The following ADCY2 variants were observed in gnomAD, a reference collection of about 807,000 sequenced individuals.
ADCY2 encodes the protein adenylate cyclase 2.
A neutral mutation model predicts 125.2 loss-of-function variants in ADCY2; 31 were observed. The ratio of observed to expected loss-of-function variants is 0.25; its 90% CI spans 0.19 to 0.33. The LOEUF (loss-of-function observed/expected upper bound fraction) is 0.33, where lower values mean the gene tolerates loss of function less well. Among genes scored for constraint, ADCY2 ranks in the 10% least tolerant of loss-of-function variants. ADCY2 has a pLI of 1.00. For synonymous variants in ADCY2, 512 were observed against 548.4 expected, an observed-to-expected ratio of 0.93 and a Z score of 0.93; for missense variants, 904 against 1,418.2, an observed-to-expected ratio of 0.64 and a Z score of 5.82.
intron 10 of ADCY2, among the ~76,000 whole-genome samples, chr5:7,712,030 C>T (rs925291341): frequency 6.6e-6 from 1 of 152,124 alleles, no homozygotes. Context: ...ACTCTTGATT[C>T]AACATTGATA....
chr5:7,558,601 C>A (rs901289092), intron 3 of ADCY2, among the ~76,000 whole-genome samples: 8 of 152,154 alleles, frequency 5.3e-5, no homozygotes, highest in African/African-American at 1.9e-4. Flanking sequence ...CTGTTGGATG[C>A]GTAGTTTGCA....
chr5:7,517,463 A>T (rs1346450264), intron 2 of ADCY2, among the ~76,000 whole-genome samples: 1 of 152,206 alleles, frequency 6.6e-6, no homozygotes, highest in Non-Finnish European at 1.5e-5. Context: ...GCTTAAAAAA[A>T]ATGAGAACTC....
intron 3 of ADCY2, among the ~76,000 whole-genome samples, chr5:7,590,812 T>C (rs994963938): frequency 6.6e-6 from 1 of 152,184 alleles, no homozygotes; most frequent in Non-Finnish European, 1.5e-5. Flanking sequence ...AGTATGTTTT[T>C]GCTTCTAGGC....
At chr5:7,627,297 GA>G (rs1367223136) in intron 4 of ADCY2, among the ~76,000 whole-genome samples, 1 of 152,190 alleles carries the variant, frequency 6.6e-6, no homozygotes, top group Non-Finnish European at 1.5e-5. Flanking sequence ...AAGCATTACA[GA>G]AAACAAACAA....
At chr5:7,602,499 A>G (rs1228185690) in intron 3 of ADCY2, among the ~76,000 whole-genome samples, 1 of 151,898 alleles carries the variant, frequency 6.6e-6, no homozygotes, top group Non-Finnish European at 1.5e-5. Context: ...ACCTTTCAAC[A>G]TTTTGCCCAA....
chr5:7,761,073 A>G (rs1248723804), intron 16 of ADCY2, among the ~76,000 whole-genome samples: 1 of 140,792 alleles, frequency 7.1e-6, no homozygotes, highest in East Asian at 2.1e-4. Flanking sequence ...AAATGACAAG[A>G]TTTTTCTCTT....
At chr5:7,413,674 C>T (rs1293648738) in intron 1 of ADCY2, among the ~76,000 whole-genome samples, 1 of 150,138 alleles carries the variant, frequency 6.7e-6, no homozygotes, top group Admixed American at 6.6e-5. Flanking sequence ...AAAGACCTTA[C>T]ACTGTATTCT....
At chr5:7,818,909 G>A (rs1257707575) in intron 23 of ADCY2, among the ~76,000 whole-genome samples, 4 of 152,174 alleles carry the variant, frequency 2.6e-5, no homozygotes, top group Non-Finnish European at 5.9e-5. Context: ...TAATAGGATA[G>A]ATGTATATAT....
chr5:7,492,021 C>T lies in ADCY2; in HGVS notation c.409-28717C>T, dbSNP rs145858518. On this transcript the variant is annotated intron_variant, in intron 2 of 24. Coordinates refer to ENST00000338316, the MANE Select transcript of ADCY2 (RefSeq NM_020546.3). ...CTGCCCTGAAAGAGCACAGGTGTCA[C>T]GGGGTGGAGGGCACATGGGCCAGGG... 2.4e-3 allele frequency among the ~76,000 whole-genome samples: 369 copies of T among 152,286 alleles called. 3 individuals are homozygous for T. Among genetic ancestry groups the T allele is most frequent in the African/African-American group, 5.6e-3 (233 of 41,560 alleles).
At chr5:7,538,810 A>G (rs543367959) in intron 3 of ADCY2, among the ~76,000 whole-genome samples, 16 of 151,766 alleles carry the variant, frequency 1.1e-4, no homozygotes, top group African/African-American at 3.9e-4. Flanking sequence ...CTGGTTTTCA[A>G]CACAAATTTT....
chr5:7,562,097 T>G (rs902898633), intron 3 of ADCY2, among the ~76,000 whole-genome samples: 1 of 152,270 alleles, frequency 6.6e-6, no homozygotes, highest in East Asian at 1.9e-4. Context: ...TCTAAAATTA[T>G]GTTTTTAACT....
chr5:7,439,999 TG>T (rs1398776222), intron 2 of ADCY2, among the ~76,000 whole-genome samples: 2 of 152,100 alleles, frequency 1.3e-5, no homozygotes, highest in Non-Finnish European at 2.9e-5. Flanking sequence ...TGGAATAAGA[TG>T]GGTGAGAAGT....
At chr5:7,401,927 A>G (rs1364924296) in intron 1 of ADCY2, among the ~76,000 whole-genome samples, 1 of 152,208 alleles carries the variant, frequency 6.6e-6, no homozygotes, top group Non-Finnish European at 1.5e-5. Flanking sequence ...CTGCCACTTG[A>G]TATTGACATC....
At chr5:7,481,201 C>T (rs10058442) in intron 2 of ADCY2, among the ~76,000 whole-genome samples, 14,708 of 152,108 alleles carry the variant, frequency 0.097, 1,128 homozygotes, top group African/African-American at 0.19. Flanking sequence ...TGATATCTCA[C>T]TGCAGTTTTG....
intron 3 of ADCY2, among the ~76,000 whole-genome samples, chr5:7,523,846 C>G (rs1027788830): frequency 6.6e-6 from 1 of 152,062 alleles, no homozygotes; most frequent in Non-Finnish European, 1.5e-5. Context: ...AGAGGTTGCC[C>G]GCAAACTATA....
At chr5:7,790,294 A>C (rs1744214234) in intron 20 of ADCY2, among the ~76,000 whole-genome samples, 1 of 152,230 alleles carries the variant, frequency 6.6e-6, no homozygotes, top group African/African-American at 2.4e-5. Flanking sequence ...TATCAGATAC[A>C]CAGTGAGTGT....
intron 3 of ADCY2, among the ~76,000 whole-genome samples, chr5:7,537,370 G>A (rs1734848010): frequency 6.6e-6 from 1 of 152,104 alleles, no homozygotes; most frequent in African/African-American, 2.4e-5. Context: ...TTCAAATTAA[G>A]CATTTCCCAA....
At chr5:7,769,136 G>A (rs191798683) in intron 17 of ADCY2, among the ~76,000 whole-genome samples, 146 of 152,204 alleles carry the variant, frequency 9.6e-4, no homozygotes, top group Non-Finnish European at 1.2e-3. Flanking sequence ...TTATCAAAAA[G>A]CACAAGACAG....
At chr5:7,702,036 A>C (rs2126338696) in intron 7 of ADCY2, among the ~76,000 whole-genome samples, 1 of 152,220 alleles carries the variant, frequency 6.6e-6, no homozygotes, top group East Asian at 1.9e-4. Flanking sequence ...CACTTGCGGA[A>C]CAAGGGATTC....
Sources: gnomAD v4.1 joint callset for allele counts (sites outside exome capture counted in the v4.1 genomes callset) on GRCh38, gnomAD v4.1.1 for gene constraint, MANE v1.5 for transcripts, NCBI Gene and HGNC (gene_info 2026-07-23, HGNC 2026-07-21) for gene names.